Variants in STAT1 observed in about 807,000 individuals in gnomAD.
STAT1 encodes signal transducer and activator of transcription 1.
A neutral mutation model predicts 111.7 loss-of-function variants in STAT1; 24 were observed. The ratio of observed to expected loss-of-function variants is 0.21; its 90% CI spans 0.16 to 0.30. The LOEUF is 0.30. Ranked by LOEUF, STAT1 falls within the 10% of genes least tolerant of loss-of-function variation. STAT1 has a pLI of 1.00. For missense variants in STAT1, 351 were observed against 911.9 expected (o/e 0.38, Z 7.92); for synonymous variants, 332 against 326.5 (o/e 1.02, Z -0.18).
Position 190,989,644 on chromosome 2 carries a change from A to G in STAT1, c.1068T>C (p.Tyr356=), listed in dbSNP as rs1693167163. ...RLLVKLQELN[Y]NLKVKVLFDK... Reference sequence around the variant, plus strand: ...CAAATAAGACTTTGACTTTCAAATTATAATTCAGCTCTTGCAATTTCACCA... The same window carrying G: ...CAAATAAGACTTTGACTTTCAAATTGTAATTCAGCTCTTGCAATTTCACCA... Residue 356 remains tyrosine (Y), a synonymous_variant, in exon 12 of 25, where the codon TAT becomes TAC. Transcript: ENST00000361099. This position sits in a 1 kb window ranked among gnomAD's most constrained non-coding sequence, Gnocchi z 5.0. The G allele has an allele frequency of 1.3e-6, 2 of 1,594,552 alleles. No individual in the cohort carries two copies. Among genetic ancestry groups the G allele is most frequent in the South Asian group, 1.1e-5 (1 of 89,034 alleles).
chr2:190,988,160 T>TCA (rs1055290030), intron 12 of STAT1, among the ~76,000 whole-genome samples: 3 of 152,188 alleles, frequency 2.0e-5, no homozygotes, highest in Non-Finnish European at 4.4e-5. Flanking sequence ...AGGCTAGCAC[T>TCA]CACAGGCCTT....
At position 190,984,140 on chromosome 2, in the gene STAT1, G is replaced by A. The variant is rs558046483; in HGVS notation, c.1347+170C>T. Among the ~76,000 whole-genome samples, 1 of 152,180 alleles carries A rather than the reference G, an allele frequency of 6.6e-6. No homozygotes were observed. The highest frequency in any genetic ancestry group is 2.1e-4 in the South Asian group (1 of 4,818). ...ATTGAATTTGAAGGTTAATTCAATT[G>A]TCTAGCTTTCTGGACCATAAATTAA... On this transcript the variant is annotated intron_variant, in intron 16 of 24. Transcript: ENST00000361099. The surrounding 1 kb of genome is among the most constrained non-coding windows in gnomAD (Gnocchi z 5.2).
intron 10 of STAT1, 33 bp from the exon 11 acceptor site, chr2:190,991,353 G>C: frequency 1.9e-6 from 3 of 1,602,842 alleles, no homozygotes; most frequent in Non-Finnish European, 2.6e-6. Context: ...AGATAAGTTA[G>C]CATTTCCATT....
rs1202234437 is a variant in STAT1 at position 190,997,600 on chromosome 2, T to C, written c.785+256A>G. Among the ~76,000 whole-genome samples, 1 of 152,198 alleles carries C rather than the reference T, an allele frequency of 6.6e-6. No homozygotes were observed. Among genetic ancestry groups the C allele is most frequent in the Non-Finnish European group, 1.5e-5 (1 of 68,040 alleles). On this transcript the variant is annotated intron_variant, in intron 9 of 24. Transcript: ENST00000361099. This position sits in a 1 kb window ranked among gnomAD's most constrained non-coding sequence, Gnocchi z 7.3. ...TGTTCTATAACGACCATGTCACTGA[T>C]GTTTTGTACAGTCAAACGACACCCC...
chr2:190,992,225 T>C (rs1693415740), intron 10 of STAT1, among the ~76,000 whole-genome samples: 1 of 152,208 alleles, frequency 6.6e-6, no homozygotes, highest in Admixed American at 6.5e-5. Flanking sequence ...ACATATAACA[T>C]CTCACTAAAC....
rs947854351 is a variant in STAT1, at chr2:190,984,794, C to T, written c.1264-401G>A. 2.0e-5 allele frequency among the ~76,000 whole-genome samples: 3 copies of T among 152,218 alleles called. No individual in the cohort carries two copies. Among genetic ancestry groups the T allele is most frequent in the Non-Finnish European group, 4.4e-5 (3 of 68,046 alleles). ...GATTGTCTACTGCCTACCGGAAGGGCTGACTCACATCAACTTGGCAGGTCA... is the reference window on the plus strand; with the variant it reads ...GATTGTCTACTGCCTACCGGAAGGGTTGACTCACATCAACTTGGCAGGTCA... On this transcript the variant is annotated intron_variant, in intron 15 of 24. Coordinates refer to ENST00000361099, the MANE Select transcript of STAT1 (RefSeq NM_007315.4). This position sits in a 1 kb window ranked among gnomAD's most constrained non-coding sequence, Gnocchi z 5.2.
At position 190,975,643 on chromosome 2, in the gene STAT1, AAGT is replaced by A; in HGVS notation, c.2135+166_2135+168del. Reference sequence around the variant, plus strand: ...GTTTTTGGCTTTTTTTTTTTTTTTAAAGTAGTAAAATGCTGATAGGCAGTAACA... The same window carrying A: ...GTTTTTGGCTTTTTTTTTTTTTTTAAAGTAAAATGCTGATAGGCAGTAACA... On this transcript the variant is annotated intron_variant, in intron 23 of 24. Coordinates refer to ENST00000361099, the MANE Select transcript of STAT1 (RefSeq NM_007315.4). This position sits in a 1 kb window ranked among gnomAD's most constrained non-coding sequence, Gnocchi z 5.9. The A allele has an allele frequency of 1.4e-6, 2 of 1,434,234 alleles. No individual in the cohort carries two copies. Among genetic ancestry groups the A allele is most frequent in the Non-Finnish European group, 1.8e-6 (2 of 1,097,946 alleles). 88.8% of individuals were successfully genotyped at this position (1,434,234 alleles called of 1,614,324 possible). A position where few individuals can be genotyped will look rare whatever the true frequency, so the allele number is the denominator to read the frequency against.
In STAT1 at chr2:190,979,026, T is replaced by C; in HGVS notation, c.1728-25A>G. On this transcript the variant is annotated intron_variant, in intron 20 of 24. Coordinates refer to ENST00000361099, the MANE Select transcript of STAT1 (RefSeq NM_007315.4). The surrounding 1 kb of genome is among the most constrained non-coding windows in gnomAD (Gnocchi z 5.8). ...CCTGGATATCGAAGAGATGGACGGA[T>C]GGGCTTTTAGTTCAATCATGATTTC... 6.2e-7 allele frequency: 1 copy of C among 1,614,084 alleles called. No individual in the cohort carries two copies. The highest frequency in any genetic ancestry group is 2.2e-5 in the East Asian group (1 of 44,874).
Position 190,975,935 on chromosome 2 carries a change from C to T in STAT1, c.2060-48G>A. 6.7e-7 allele frequency: 1 copy of T among 1,485,240 alleles called. No homozygotes were observed. The highest frequency in any genetic ancestry group is 1.7e-4 in the Middle Eastern group (1 of 5,806). 92.0% of individuals were successfully genotyped at this position (1,485,240 alleles called of 1,614,324 possible). A position where few individuals can be genotyped will look rare whatever the true frequency, so the allele number is the denominator to read the frequency against. On this transcript the variant is annotated intron_variant, in intron 22 of 24. Coordinates refer to ENST00000361099, the MANE Select transcript of STAT1 (RefSeq NM_007315.4). The surrounding 1 kb of genome is among the most constrained non-coding windows in gnomAD (Gnocchi z 5.9). ...CGCTTTCCATCAACCGAAATTCCAT[C>T]AGAATACAACATCAACTTTTCGGGG...
chr2:190,998,157 A>T lies in STAT1; in HGVS notation c.633+60T>A. 2 of 1,570,612 alleles carry T rather than the reference A, an allele frequency of 1.3e-6. No homozygotes were observed. Among genetic ancestry groups the T allele is most frequent in the Non-Finnish European group, 1.8e-6 (2 of 1,141,456 alleles). On this transcript the variant is annotated intron_variant, in intron 8 of 24. Transcript: ENST00000361099. This position sits in a 1 kb window ranked among gnomAD's most constrained non-coding sequence, Gnocchi z 4.1. The stretch of plus-strand genomic sequence containing the variant: ...AATTTTTCCTCTCTTCTAAACTTTG[A>T]GTCCATTATTTACAGTGTATAACAA...
intron 12 of STAT1, among the ~76,000 whole-genome samples, chr2:190,988,410 ACT>A (rs1443544410): frequency 2.0e-5 from 3 of 152,032 alleles, no homozygotes; most frequent in African/African-American, 4.8e-5. Flanking sequence ...ACAGAGTCTC[ACT>A]CTGTCACCCA....
intron 12 of STAT1, among the ~76,000 whole-genome samples, chr2:190,988,834 T>A: frequency 6.7e-6 from 1 of 149,304 alleles, no homozygotes; most frequent in Non-Finnish European, 1.5e-5. Context: ...ATGATCTGAA[T>A]GATCATAAAT....
intron 2 of STAT1, 114 bp from the exon 3 acceptor site, chr2:191,010,118 G>T: frequency 8.2e-7 from 1 of 1,225,616 alleles, no homozygotes; most frequent in Non-Finnish European, 1.2e-6. Flanking sequence ...CCAAAACATA[G>T]TTTGTCCCAG....
Position 190,983,824 on chromosome 2 carries a change from G to A in STAT1, c.1348-84C>T, listed in dbSNP as rs1187959377. 2.7e-6 allele frequency: 3 copies of A among 1,123,294 alleles called. No homozygotes were observed. 69.6% of individuals were successfully genotyped at this position (1,123,294 alleles called of 1,614,324 possible). On this transcript the variant is annotated intron_variant, in intron 16 of 24. Coordinates refer to ENST00000361099, the MANE Select transcript of STAT1 (RefSeq NM_007315.4). This position sits in a 1 kb window ranked among gnomAD's most constrained non-coding sequence, Gnocchi z 5.7. ...ACTGCTTAGCCTCAACTAAAAGCAG[G>A]GGATTATTTGTAAATTTGTACATAT...
At chr2:190,972,070 G>C (rs1338607122) in intron 24 of STAT1, among the ~76,000 whole-genome samples, 1 of 152,150 alleles carries the variant, frequency 6.6e-6, no homozygotes, top group Admixed American at 6.5e-5. Flanking sequence ...AAGAGAGGGA[G>C]GGAGGGGGAG....
chr2:191,002,767 T>C (rs969958422), intron 5 of STAT1, among the ~76,000 whole-genome samples: 2 of 152,152 alleles, frequency 1.3e-5, no homozygotes, highest in Admixed American at 1.3e-4. Flanking sequence ...TAAGATACTG[T>C]CTCTAGAATG....
At position 190,979,984 on chromosome 2, in the gene STAT1, C is replaced by A; in HGVS notation, c.1633-118G>T. The stretch of plus-strand genomic sequence containing the variant: ...GTGCCAAGGATGGAACTGTCCCATT[C>A]AGCACAGCAATGGGATCCCTCCCCT... On this transcript the variant is annotated intron_variant, in intron 19 of 24. Transcript: ENST00000361099. This position sits in a 1 kb window ranked among gnomAD's most constrained non-coding sequence, Gnocchi z 5.8. 1 of 724,446 alleles carries A rather than the reference C, an allele frequency of 1.4e-6. No homozygotes were observed. The highest frequency in any genetic ancestry group is 1.5e-5 in the South Asian group (1 of 67,108). The allele number at this position is 724,446 out of a possible 1,614,324, so 44.9% of individuals were successfully genotyped here. A position where few individuals can be genotyped will look rare whatever the true frequency, so the allele number is the denominator to read the frequency against.
Position 191,012,017 on chromosome 2 carries a change from C to T in STAT1, c.-2+1508G>A, listed in dbSNP as rs1384970871. Among the ~76,000 whole-genome samples, 1 of 151,888 alleles carries T rather than the reference C, an allele frequency of 6.6e-6. No individual in the cohort carries two copies. Among genetic ancestry groups the T allele is most frequent in the Non-Finnish European group, 1.5e-5 (1 of 67,984 alleles). ...CCTTCCACCTCAGCCTCCCAAAGTG[C>T]TGGGATTACAGGCGTGAGCTTCCGC... On this transcript the variant is annotated intron_variant, in intron 2 of 24. Transcript: ENST00000361099. This position sits in a 1 kb window ranked among gnomAD's most constrained non-coding sequence, Gnocchi z 4.0.
At chr2:190,991,106 T>G in intron 11 of STAT1, 122 bp downstream of exon 11, 2 of 787,616 alleles carry the variant, frequency 2.5e-6, no homozygotes, top group Non-Finnish European at 4.4e-6. Flanking sequence ...GAGTTCATAT[T>G]AAAGTGCCCC....
Sources: allele counts gnomAD v4.1 joint callset (sites outside exome capture counted in the v4.1 genomes callset), GRCh38; gene constraint gnomAD v4.1.1; non-coding constraint Gnocchi (gnomAD v3.1); transcripts MANE v1.5; gene names NCBI Gene and HGNC (gene_info 2026-07-23, HGNC 2026-07-21).